SLC35F1: variants seen among roughly 807,000 people sequenced by gnomAD.
SLC35F1 encodes the protein solute carrier family 35 member F1, also known as chromosome 6 open reading frame 169.
Under a neutral mutation model 48.7 loss-of-function variants are expected in SLC35F1, and 14 were observed. That is an observed-to-expected ratio of 0.29 (90% CI 0.19 to 0.45). SLC35F1 has a LOEUF of 0.45. Ranked by LOEUF, SLC35F1 falls within the 20% of genes least tolerant of loss-of-function variation. The probability of loss-of-function intolerance (pLI) is 1.00; values close to 1 mark genes in which losing one functional copy is unlikely to be tolerated. For missense variants in SLC35F1, 404 were observed against 500.0 expected (o/e 0.81, Z 1.83); for synonymous variants, 190 against 202.2 (o/e 0.94, Z 0.51).
At chr6:118,291,844 A>C (rs1455198158) in intron 7 of SLC35F1, among the ~76,000 whole-genome samples, 2 of 152,212 alleles carry the variant, frequency 1.3e-5, no homozygotes, top group Non-Finnish European at 2.9e-5. Context: ...GTGGCTGGGC[A>C]CGGTGGCACA....
At chr6:117,962,393 G>C (rs747843851) in intron 1 of SLC35F1, among the ~76,000 whole-genome samples, 2 of 152,136 alleles carry the variant, frequency 1.3e-5, no homozygotes, top group Non-Finnish European at 2.9e-5. Context: ...ACTTCCCATT[G>C]TTTCAGTAGT....
At chr6:118,261,053 A>G (rs1394527440) in intron 3 of SLC35F1, among the ~76,000 whole-genome samples, 4 of 152,250 alleles carry the variant, frequency 2.6e-5, no homozygotes, top group Admixed American at 1.3e-4. Context: ...CACAGATTCC[A>G]TTGCACAATC....
chr6:118,136,334 A>G (rs749030862), intron 1 of SLC35F1, among the ~76,000 whole-genome samples: 1 of 152,218 alleles, frequency 6.6e-6, no homozygotes, highest in Non-Finnish European at 1.5e-5. Flanking sequence ...AGATAGAGAC[A>G]TAAAGTTGTC....
chr6:118,073,103 T>G (rs934748616), intron 1 of SLC35F1, among the ~76,000 whole-genome samples: 11 of 152,240 alleles, frequency 7.2e-5, no homozygotes, highest in Non-Finnish European at 1.5e-5. Flanking sequence ...TTGTAATTCC[T>G]TTCCTAGCAT....
At chr6:118,227,439 T>C (rs996342183) in intron 2 of SLC35F1, among the ~76,000 whole-genome samples, 2 of 152,318 alleles carry the variant, frequency 1.3e-5, no homozygotes, top group East Asian at 1.9e-4. Context: ...AAGAAATGTG[T>C]CTGTTAAAAC....
chr6:118,220,735 C>T (rs1454512039), intron 2 of SLC35F1, among the ~76,000 whole-genome samples: 1 of 152,176 alleles, frequency 6.6e-6, no homozygotes, highest in East Asian at 1.9e-4. Flanking sequence ...CTAGACAGAG[C>T]TGGGGGAGAA....
chr6:118,004,668 C>T (rs946319032), intron 1 of SLC35F1, among the ~76,000 whole-genome samples: 18 of 152,036 alleles, frequency 1.2e-4, no homozygotes, highest in Non-Finnish European at 2.5e-4. Flanking sequence ...TTCAAGTGAT[C>T]CTCCCACTTG....
At chr6:117,908,308 G>A (rs550313610) in intron 1 of SLC35F1, among the ~76,000 whole-genome samples, 3 of 152,352 alleles carry the variant, frequency 2.0e-5, no homozygotes, top group African/African-American at 7.2e-5. Context: ...GGGCTGCAGA[G>A]ATGGCGTGGA....
intron 3 of SLC35F1, among the ~76,000 whole-genome samples, chr6:118,261,016 T>C (rs982678677): frequency 5.3e-5 from 8 of 152,216 alleles, no homozygotes; most frequent in Admixed American, 4.6e-4. Flanking sequence ...ACTTGAATGA[T>C]GGTGATGATG....
intron 1 of SLC35F1, among the ~76,000 whole-genome samples, chr6:118,003,272 G>T (rs1237895463): frequency 2.6e-5 from 4 of 152,210 alleles, no homozygotes; most frequent in Non-Finnish European, 5.9e-5. Context: ...GTCTGAAGAG[G>T]TTAAGATAAC....
chr6:118,002,339 A>G (rs2114868668), intron 1 of SLC35F1, among the ~76,000 whole-genome samples: 1 of 152,212 alleles, frequency 6.6e-6, no homozygotes, highest in East Asian at 1.9e-4. Flanking sequence ...TTCTCAGCAT[A>G]CTATCGCAAG....
chr6:118,049,327 C>A (rs1404431586), intron 1 of SLC35F1, among the ~76,000 whole-genome samples: 1 of 152,094 alleles, frequency 6.6e-6, no homozygotes, highest in African/African-American at 2.4e-5. Context: ...GGCTAAAACA[C>A]CAAAAGCAAT....
intron 7 of SLC35F1, among the ~76,000 whole-genome samples, chr6:118,301,023 C>T (rs1352312150): frequency 1.3e-5 from 2 of 152,032 alleles, no homozygotes; most frequent in African/African-American, 2.4e-5. Flanking sequence ...CTGGTGTTTC[C>T]TTTGTGTTCC....
chr6:118,136,820 A>G lies in SLC35F1; in HGVS notation c.174-17625A>G, dbSNP rs535725723. ...TAATATATCTCAGATAGCATTGAGA[A>G]TGCATAGAGGAGAACACTCTGTAAG... On this transcript the variant is annotated intron_variant, in intron 1 of 7. Transcript: ENST00000360388. 3.3e-5 allele frequency among the ~76,000 whole-genome samples: 5 copies of G among 152,222 alleles called. No homozygotes were observed. The South Asian group carries it at 1.0e-3, about 32-fold the overall frequency.
At chr6:118,246,995 T>A (rs867117722) in intron 3 of SLC35F1, among the ~76,000 whole-genome samples, 1 of 152,170 alleles carries the variant, frequency 6.6e-6, no homozygotes, top group Non-Finnish European at 1.5e-5. Context: ...CCCATTATCT[T>A]AGCAATGTCT....
At chr6:118,015,128 C>A (rs549880885) in intron 1 of SLC35F1, among the ~76,000 whole-genome samples, 1 of 152,092 alleles carries the variant, frequency 6.6e-6, no homozygotes, top group African/African-American at 2.4e-5. Flanking sequence ...ACATGCTTTT[C>A]GCCTTCTGCC....
At chr6:118,102,502 T>G (rs1263501128) in intron 1 of SLC35F1, among the ~76,000 whole-genome samples, 1 of 152,172 alleles carries the variant, frequency 6.6e-6, no homozygotes, top group African/African-American at 2.4e-5. Context: ...AAGAAAAAAC[T>G]GGATGCATAT....
At chr6:118,268,237 C>A (rs890762757) in intron 4 of SLC35F1, among the ~76,000 whole-genome samples, 1 of 152,170 alleles carries the variant, frequency 6.6e-6, no homozygotes, top group African/African-American at 2.4e-5. Flanking sequence ...GACTGGAACA[C>A]AAGGCCCCCG....
At chr6:118,263,100 A>C (rs184841113) in intron 3 of SLC35F1, among the ~76,000 whole-genome samples, 2 of 152,192 alleles carry the variant, frequency 1.3e-5, no homozygotes, top group East Asian at 3.8e-4. Context: ...TCTGTTGCCC[A>C]GGATGGAGTG....
Sources: allele counts gnomAD v4.1 joint callset (sites outside exome capture counted in the v4.1 genomes callset), GRCh38; gene constraint gnomAD v4.1.1; transcripts MANE v1.5; gene names NCBI Gene and HGNC (gene_info 2026-07-23, HGNC 2026-07-21).